Variants in IL1RAPL2 observed in about 807,000 individuals in gnomAD.
IL1RAPL2 encodes the protein interleukin 1 receptor accessory protein like 2.
A neutral mutation model predicts 44.1 loss-of-function variants in IL1RAPL2; 3 were observed. That is an observed-to-expected ratio of 0.07 (90% confidence interval 0.03 to 0.18). IL1RAPL2 has a LOEUF of 0.18. Ranked by LOEUF, IL1RAPL2 falls within the 10% of genes least tolerant of loss-of-function variation. The pLI is 1.00. For synonymous variants in IL1RAPL2, 181 were observed against 178.8 expected, an observed-to-expected ratio of 1.01 and a Z score of -0.10; for missense variants, 391 against 496.4, an observed-to-expected ratio of 0.79 and a Z score of 2.02.
intron 10 of IL1RAPL2, among the ~76,000 whole-genome samples, chrX:105,759,884 G>A (rs1469350159): frequency 1.8e-5 from 2 of 111,821 alleles, no homozygotes; most frequent in East Asian, 2.8e-4. Flanking sequence ...TCTAATAGCC[G>A]AACAGATTGG....
chrX:104,572,167 T>G (rs1193618300), intron 1 of IL1RAPL2, among the ~76,000 whole-genome samples: 5 of 111,962 alleles, frequency 4.5e-5, no homozygotes, highest in African/African-American at 1.6e-4. Flanking sequence ...TCTGTCCAAA[T>G]TGGGAAACTT....
At chrX:104,768,526 A>G (rs2147596144) in intron 2 of IL1RAPL2, among the ~76,000 whole-genome samples, 1 of 111,591 alleles carries the variant, frequency 9.0e-6, no homozygotes, top group South Asian at 3.8e-4. Flanking sequence ...ATCCCTGGAC[A>G]TCTGATACTT....
At chrX:105,027,255 G>T (rs964566696) in intron 2 of IL1RAPL2, among the ~76,000 whole-genome samples, 1 of 111,360 alleles carries the variant, frequency 9.0e-6, no homozygotes, top group Non-Finnish European at 1.9e-5. Flanking sequence ...CCAGGACCTT[G>T]GTCAGGGCAA....
intron 5 of IL1RAPL2, among the ~76,000 whole-genome samples, chrX:105,335,187 A>G (rs2035018643): frequency 1.8e-5 from 2 of 109,790 alleles, no homozygotes; most frequent in African/African-American, 6.8e-5. Context: ...TTTGCCATGA[A>G]TTTGGCCCTT....
chrX:104,888,892 C>T (rs1923337280), intron 2 of IL1RAPL2, among the ~76,000 whole-genome samples: 1 of 111,697 alleles, frequency 9.0e-6, no homozygotes, highest in African/African-American at 3.3e-5. Flanking sequence ...ACATTTCCCA[C>T]CTCACCTATT....
At chrX:105,034,132 T>G (rs1292102363) in intron 2 of IL1RAPL2, among the ~76,000 whole-genome samples, 1 of 111,595 alleles carries the variant, frequency 9.0e-6, no homozygotes, top group Admixed American at 9.6e-5. Flanking sequence ...CATCTAATTT[T>G]TTTTCAAAGT....
intron 2 of IL1RAPL2, among the ~76,000 whole-genome samples, chrX:104,745,496 A>G (rs765995829): frequency 8.9e-6 from 1 of 112,430 alleles, no homozygotes. Context: ...TAACAAATTT[A>G]TGCAAATTCC....
At chrX:104,568,036 G>T (rs953021802) in intron 1 of IL1RAPL2, among the ~76,000 whole-genome samples, 3 of 111,885 alleles carry the variant, frequency 2.7e-5, no homozygotes, top group Non-Finnish European at 5.6e-5. Context: ...TGACTGCACA[G>T]AAGTATTGGA....
chrX:104,646,606 G>GTT (rs1364575632), intron 1 of IL1RAPL2, among the ~76,000 whole-genome samples: 1 of 111,954 alleles, frequency 8.9e-6, no homozygotes, highest in Non-Finnish European at 1.9e-5. Context: ...TAAAAACAAA[G>GTT]TTTTATTTTT....
intron 2 of IL1RAPL2, among the ~76,000 whole-genome samples, chrX:104,951,077 C>G (rs1009085224): frequency 8.9e-6 from 1 of 111,934 alleles, no homozygotes; most frequent in Non-Finnish European, 1.9e-5. Context: ...CGCCCACTGT[C>G]TGGCACTCCC....
intron 1 of IL1RAPL2, among the ~76,000 whole-genome samples, chrX:104,579,395 C>T (rs765444353): frequency 8.9e-6 from 1 of 111,986 alleles, no homozygotes; most frequent in South Asian, 3.7e-4. Context: ...ACATATATAC[C>T]ATGGAATACT....
intron 1 of IL1RAPL2, among the ~76,000 whole-genome samples, chrX:104,585,347 A>ATAT (rs1403738052): frequency 1.3e-3 from 23 of 18,114 alleles, no homozygotes; most frequent in African/African-American, 3.7e-3. Flanking sequence ...TATATATTAT[A>ATAT]TATATTATAT....
chrX:105,499,846 A>G (rs2036380547), intron 6 of IL1RAPL2, among the ~76,000 whole-genome samples: 1 of 112,097 alleles, frequency 8.9e-6, no homozygotes, highest in Non-Finnish European at 1.9e-5. Context: ...CAGTATGGCA[A>G]TCCTTAAAAA....
chrX:105,688,204 G>A (rs1314255606), intron 6 of IL1RAPL2, among the ~76,000 whole-genome samples: 1 of 111,729 alleles, frequency 9.0e-6, no homozygotes, highest in Non-Finnish European at 1.9e-5. Flanking sequence ...TCAACATAGT[G>A]TTGGAAGTTC....
chrX:105,031,220 T>A (rs1247779030), intron 2 of IL1RAPL2, among the ~76,000 whole-genome samples: 2 of 108,871 alleles, frequency 1.8e-5, no homozygotes, highest in Non-Finnish European at 3.8e-5. Context: ...CTTTTCCTAA[T>A]TGAATACCCT....
intron 2 of IL1RAPL2, among the ~76,000 whole-genome samples, chrX:105,165,071 G>A (rs1440802571): frequency 2.7e-5 from 3 of 111,329 alleles, no homozygotes; most frequent in African/African-American, 6.5e-5. Context: ...GGCTCTTTCA[G>A]TGAAGGAAGG....
chrX:104,939,883 G>A lies in IL1RAPL2; in HGVS notation c.83-255592G>A, dbSNP rs1283016205. The stretch of plus-strand genomic sequence containing the variant: ...CTGATTTCATTGGTATGAAAAGTCT[G>A]GAATAGACAAACCTATAGAGAAAGG... On this transcript the variant is annotated intron_variant, in intron 2 of 10. Transcript: ENST00000372582. 9.0e-5 allele frequency among the ~76,000 whole-genome samples: 10 copies of A among 111,712 alleles called. No homozygotes were observed. The East Asian group carries it at 2.8e-3, about 32-fold the overall frequency.
At chrX:104,743,983 A>G (rs749029929) in intron 2 of IL1RAPL2, among the ~76,000 whole-genome samples, 1 of 110,508 alleles carries the variant, frequency 9.0e-6, no homozygotes, top group African/African-American at 3.3e-5. Context: ...AGCAGAAAAC[A>G]ACCTCACCTA....
chrX:104,615,966 C>T (rs1202111036), intron 1 of IL1RAPL2, among the ~76,000 whole-genome samples: 1 of 112,277 alleles, frequency 8.9e-6, no homozygotes, highest in Non-Finnish European at 1.9e-5. Flanking sequence ...ATTTGCATTT[C>T]TCTAATGATC....
Sources: allele counts gnomAD v4.1 joint callset (sites outside exome capture counted in the v4.1 genomes callset), GRCh38; gene constraint gnomAD v4.1.1; transcripts MANE v1.5; gene names NCBI Gene and HGNC (gene_info 2026-07-23, HGNC 2026-07-21).